FAAH: variants seen among roughly 807,000 people sequenced by gnomAD.
FAAH encodes the protein fatty-acid amide hydrolase 1.
FAAH carries 63 observed loss-of-function variants against 69.7 expected under a neutral mutation model. The observed-to-expected ratio is 0.90, with a 90% CI of 0.74 to 1.12. The LOEUF (loss-of-function observed/expected upper bound fraction) is 1.12. FAAH is among the 50% of genes most tolerant of loss of function. The pLI is 0.00. For synonymous variants in FAAH, 305 were observed against 324.2 expected (o/e 0.94, Z 0.64); for missense variants, 680 against 755.0 (o/e 0.90, Z 1.16).
In FAAH at chr1:46,402,181, G is replaced by A. The variant is rs1270701144; in HGVS notation, c.286G>A (p.Val96Met). 4.4e-6 allele frequency: 7 copies of A among 1,604,734 alleles called. No homozygotes were observed. Among genetic ancestry groups the A allele is most frequent in the African/African-American group, 4.0e-5 (3 of 74,774 alleles). The change falls in exon 2 of 15, where the codon GTG becomes ATG. Residue 96 changes from valine to methionine, a missense_variant. Transcript: ENST00000243167. ...CAGTAGAGAGCTGGCCCCTGAGGCC[G>A]TGCTCTTCACCTATGTGGGAAAGGT... ...LHSRELAPEAVLFTYVGKAWE... is the reference protein window; with the variant it reads ...LHSRELAPEAMLFTYVGKAWE...
In FAAH at chr1:46,405,948, A is replaced by G; in HGVS notation, c.786-90A>G. 1 of 1,612,922 alleles carries G rather than the reference A, an allele frequency of 6.2e-7. No individual in the cohort carries two copies. The highest frequency in any genetic ancestry group is 8.5e-7 in the Non-Finnish European group (1 of 1,179,842). ...GGCCGGGCGTGGGTCCTAGTTTCCA[A>G]AGCGGTGAGTGTTCAGAGCTGCTCT... is the stretch of plus-strand genomic sequence containing the variant. On this transcript the variant is annotated intron_variant, in intron 5 of 14. Coordinates refer to ENST00000243167, the MANE Select transcript of FAAH (RefSeq NM_001441.3). This position sits in a 1 kb window ranked among gnomAD's most constrained non-coding sequence, Gnocchi z 4.1.
Position 46,410,719 on chromosome 1 carries a change from A to G in FAAH, c.1276-95A>G. On this transcript the variant is annotated intron_variant, in intron 10 of 14. Coordinates refer to ENST00000243167, the MANE Select transcript of FAAH (RefSeq NM_001441.3). The surrounding 1 kb of genome is among the most constrained non-coding windows in gnomAD (Gnocchi z 4.9). ...GCCGACCTGGGCCCTGGGGGGAGGCATGGAGGGAGGGGTCCCCAGTGGCTT... is the reference window on the plus strand; with the variant it reads ...GCCGACCTGGGCCCTGGGGGGAGGCGTGGAGGGAGGGGTCCCCAGTGGCTT... The G allele has an allele frequency of 2.0e-6, 3 of 1,504,976 alleles. No individual in the cohort carries two copies. Among genetic ancestry groups the G allele is most frequent in the South Asian group, 1.1e-5 (1 of 88,948 alleles). 93.2% of individuals were successfully genotyped at this position (1,504,976 alleles called of 1,614,324 possible).
At position 46,410,913 on chromosome 1, in the gene FAAH, C is replaced by A. The variant is rs938446503; in HGVS notation, c.1316+59C>A. 5.6e-6 allele frequency: 9 copies of A among 1,606,970 alleles called. No individual in the cohort carries two copies. The African/African-American group carries it at 1.1e-4, about 19-fold the overall frequency. On this transcript the variant is annotated intron_variant, in intron 11 of 14. Coordinates refer to ENST00000243167, the MANE Select transcript of FAAH (RefSeq NM_001441.3). This position sits in a 1 kb window ranked among gnomAD's most constrained non-coding sequence, Gnocchi z 4.9. ...TGCCTGTCCTGATCCGAGTCTGGGT[C>A]TGGGTAGTTTCTGACAGGAAAGGAC...
rs572835571 is a variant in FAAH at position 46,408,641 on chromosome 1, C to T, written c.1077+57C>T. 1.0e-4 allele frequency: 167 copies of T among 1,612,542 alleles called. No individual in the cohort carries two copies. The African/African-American group carries it at 1.9e-3, about 18-fold the overall frequency. On this transcript the variant is annotated intron_variant, in intron 8 of 14. Transcript: ENST00000243167. ...TCTCCTCCCCTCACGGGAAGCCTTC[C>T]TGGTACCCATGGCTACTCCATCCCT...
Position 46,405,812 on chromosome 1 carries a change from C to T in FAAH, c.785+18C>T, listed in dbSNP as rs201518066. 6.3e-4 allele frequency: 1,023 copies of T among 1,612,670 alleles called. 1 individual carries two copies. Among genetic ancestry groups the T allele is most frequent in the Non-Finnish European group, 8.1e-4 (960 of 1,179,700 alleles). On this transcript the variant is annotated intron_variant, in intron 5 of 14. Transcript: ENST00000243167. The surrounding 1 kb of genome is among the most constrained non-coding windows in gnomAD (Gnocchi z 4.1). ...CGCCTCAGGTAAGGTGGGTGGAGGG[C>T]GCTTCTGGGCCCCTCGCTGTGTGAC...
chr1:46,405,927 G>A lies in FAAH; in HGVS notation c.786-111G>A, dbSNP rs1238098168. 8 of 1,611,774 alleles carry A rather than the reference G, an allele frequency of 5.0e-6. No homozygotes were observed. Among genetic ancestry groups the A allele is most frequent in the East Asian group, 2.2e-5 (1 of 44,862 alleles). On this transcript the variant is annotated intron_variant, in intron 5 of 14. Coordinates refer to ENST00000243167, the MANE Select transcript of FAAH (RefSeq NM_001441.3). This position sits in a 1 kb window ranked among gnomAD's most constrained non-coding sequence, Gnocchi z 4.1. ...AGGAAGCATTACAGTACCACTGGCC[G>A]GGCGTGGGTCCTAGTTTCCAAAGCG...
rs1664958309 is a variant in FAAH, at chr1:46,413,675, G to A, written c.*100G>A. 6.4e-7 allele frequency: 1 copy of A among 1,563,804 alleles called. No homozygotes were observed. Among genetic ancestry groups the A allele is most frequent in the Non-Finnish European group, 8.8e-7 (1 of 1,142,256 alleles). ...CCACAGCAAGGAAATGTCCTGCATG[G>A]GGCAGAGGCTTCCGTGTCCTCTCCC... On this transcript the variant is annotated 3_prime_UTR_variant, in exon 15 of 15. Transcript: ENST00000243167.
rs1250529061 is a variant in FAAH at position 46,412,235 on chromosome 1, C to T, written c.1449C>T (p.Ala483=). 1 of 1,553,566 alleles carries T rather than the reference C, an allele frequency of 6.4e-7. No individual in the cohort carries two copies. Among genetic ancestry groups the T allele is most frequent in the Non-Finnish European group, 8.7e-7 (1 of 1,148,098 alleles). Reference sequence around the variant, plus strand: ...TGGCCCCTGCTCTGGACTTGAATGCCCCAGGCAGGGCCACAGGTGAGGCCC... The same window carrying T: ...TGGCCCCTGCTCTGGACTTGAATGCTCCAGGCAGGGCCACAGGTGAGGCCC... ...PMLAPALDLN[A]PGRATGAVSY... Residue 483 remains alanine, a synonymous_variant, in exon 13 of 15, where the codon GCC becomes GCT. Coordinates refer to ENST00000243167, the MANE Select transcript of FAAH (RefSeq NM_001441.3).
rs151184893 is a variant in FAAH, at chr1:46,394,552, C to A, written c.195+9C>A. 1.6e-5 allele frequency: 21 copies of A among 1,347,472 alleles called. No individual in the cohort carries two copies. The Admixed American group carries it at 7.2e-4, about 46-fold the overall frequency. The allele number at this position is 1,347,472 out of a possible 1,614,324, so 83.5% of individuals were successfully genotyped here. On this transcript the variant is annotated intron_variant, in intron 1 of 14. Transcript: ENST00000243167. Reference sequence around the variant, plus strand: ...AGCGCTTCCGGCTCCAGGTGACTGCCGGAGCGTAGTGGGATGGGCGCGGCC... The same window carrying A: ...AGCGCTTCCGGCTCCAGGTGACTGCAGGAGCGTAGTGGGATGGGCGCGGCC...
At position 46,394,553 on chromosome 1, in the gene FAAH, G is replaced by A. The variant is rs556580092; in HGVS notation, c.195+10G>A. On this transcript the variant is annotated intron_variant, in intron 1 of 14. Coordinates refer to ENST00000243167, the MANE Select transcript of FAAH (RefSeq NM_001441.3). ...GCGCTTCCGGCTCCAGGTGACTGCCGGAGCGTAGTGGGATGGGCGCGGCCT... is the reference window on the plus strand; with the variant it reads ...GCGCTTCCGGCTCCAGGTGACTGCCAGAGCGTAGTGGGATGGGCGCGGCCT... 3.0e-6 allele frequency: 4 copies of A among 1,345,340 alleles called. No homozygotes were observed. Among genetic ancestry groups the A allele is most frequent in the South Asian group, 1.9e-5 (1 of 52,112 alleles). 83.3% of individuals were successfully genotyped at this position (1,345,340 alleles called of 1,614,324 possible).
At chr1:46,396,702 G>C (rs1341684645) in intron 1 of FAAH, among the ~76,000 whole-genome samples, 1 of 152,220 alleles carries the variant, frequency 6.6e-6, no homozygotes, top group Non-Finnish European at 1.5e-5. Context: ...GTTTCTGCGA[G>C]CATAGGGTTG....
intron 8 of FAAH, 145 bp downstream of exon 8, chr1:46,408,729 A>G (rs765352816): frequency 7.9e-7 from 1 of 1,262,616 alleles, no homozygotes; most frequent in Non-Finnish European, 1.1e-6. Flanking sequence ...GGACAAGTAT[A>G]TAGAGGGCTG....
chr1:46,403,669 G>A (rs964757273), intron 2 of FAAH, among the ~76,000 whole-genome samples: 8 of 152,258 alleles, frequency 5.3e-5, no homozygotes, highest in African/African-American at 9.6e-5. Context: ...GCCCCTGTCC[G>A]TGCCACGGGC....
At position 46,394,511 on chromosome 1, in the gene FAAH, A is replaced by T; in HGVS notation, c.163A>T (p.Met55Leu). The change falls in exon 1 of 15, where the codon ATG (methionine) becomes TTG (leucine). Residue 55 changes from methionine to leucine, a missense_variant. Physicochemically the swap from Met to Leu is conservative, Grantham distance 15. Transcript: ENST00000243167. ...RQRQRAGLEN[M>L]DRAAQRFRLQ... The stretch of plus-strand genomic sequence containing the variant: ...GAGGCAGCGAGCGGGCCTGGAGAAC[A>T]TGGACAGGGCGGCGCAGCGCTTCCG... 7.2e-7 allele frequency: 1 copy of T among 1,392,876 alleles called. No homozygotes were observed. Among genetic ancestry groups the T allele is most frequent in the Non-Finnish European group, 9.3e-7 (1 of 1,079,940 alleles). 86.3% of individuals were successfully genotyped at this position (1,392,876 alleles called of 1,614,324 possible).
chr1:46,402,235 G>A (rs200324407), intron 2 of FAAH, 31 bp downstream of exon 2: 48 of 1,535,566 alleles, frequency 3.1e-5, no homozygotes, highest in South Asian at 3.0e-4. Context: ...CCCCTCCCTG[G>A]GAAAGGTAAG....
At position 46,411,582 on chromosome 1, in the gene FAAH, A is replaced by G. The variant is rs1294022790; in HGVS notation, c.1317-30A>G. ...GCTGATCTCCGTGGCTGTGACCATC[A>G]TGGCTGGTGACCACACTCCTTCTGC... On this transcript the variant is annotated intron_variant, in intron 11 of 14. Transcript: ENST00000243167. The surrounding 1 kb of genome is among the most constrained non-coding windows in gnomAD (Gnocchi z 4.8). 1.9e-6 allele frequency: 3 copies of G among 1,612,156 alleles called. No homozygotes were observed. Among genetic ancestry groups the G allele is most frequent in the Non-Finnish European group, 2.5e-6 (3 of 1,178,848 alleles).
intron 2 of FAAH, among the ~76,000 whole-genome samples, chr1:46,403,086 G>A (rs1300230322): frequency 1.3e-5 from 2 of 151,902 alleles, no homozygotes; most frequent in African/African-American, 2.4e-5. Context: ...CACCCGCCTC[G>A]GCCTTCCAAA....
In FAAH at chr1:46,404,022, C is replaced by T. The variant is rs576521731; in HGVS notation, c.310-992C>T. ...AAGGGTGTGGGACAGTGAGTGTGAC[C>T]CCTAGGCAGGTGAACTTGTCTGGGT... On this transcript the variant is annotated intron_variant, in intron 2 of 14. Transcript: ENST00000243167. The surrounding 1 kb of genome is among the most constrained non-coding windows in gnomAD (Gnocchi z 4.5). Among the ~76,000 whole-genome samples the T allele has an allele frequency of 2.1e-4, 32 of 152,276 alleles. No individual in the cohort carries two copies. Among genetic ancestry groups the T allele is most frequent in the African/African-American group, 7.7e-4 (32 of 41,552 alleles).
Position 46,403,320 on chromosome 1 carries a change from G to A in FAAH, c.309+1116G>A, listed in dbSNP as rs376685137. Among the ~76,000 whole-genome samples the A allele has an allele frequency of 3.3e-5, 5 of 152,002 alleles. No homozygotes were observed. The East Asian group carries it at 9.7e-4, about 29-fold the overall frequency. ...TAATTTTTGTATTTTTATTTGGCCG[G>A]GCTGGTCTGGAACTCCCAACCTCAG... is the stretch of plus-strand genomic sequence containing the variant. On this transcript the variant is annotated intron_variant, in intron 2 of 14. Transcript: ENST00000243167.
Sources: allele counts gnomAD v4.1 joint callset (sites outside exome capture counted in the v4.1 genomes callset), GRCh38; gene constraint gnomAD v4.1.1; non-coding constraint Gnocchi (gnomAD v3.1); transcripts MANE v1.5; gene names NCBI Gene and HGNC (gene_info 2026-07-23, HGNC 2026-07-21).